Variants in MBP observed in about 807,000 individuals in gnomAD.
MBP encodes Golli-MBP.
A neutral mutation model predicts 35.8 loss-of-function variants in MBP; 16 were observed. The observed-to-expected ratio is 0.45, with a 90% CI of 0.30 to 0.68. The LOEUF (loss-of-function observed/expected upper bound fraction) is 0.68, where lower values mean the gene tolerates loss of function less well. MBP is among the 30% of genes least tolerant of loss of function. The pLI, the probability that MBP is intolerant of heterozygous loss-of-function variation, is 0.08. For synonymous variants in MBP, 143 were observed against 159.6 expected (o/e 0.90, Z 0.78); for missense variants, 380 against 404.7 (o/e 0.94, Z 0.52).
At chr18:77,071,744 T>A (rs577424158) in intron 2 of MBP, among the ~76,000 whole-genome samples, 1 of 151,830 alleles carries the variant, frequency 6.6e-6, no homozygotes, top group East Asian at 1.9e-4. Flanking sequence ...ACAAAGAAAA[T>A]AAGGTAGGAA....
intron 4 of MBP, among the ~76,000 whole-genome samples, chr18:77,002,671 G>A (rs892266914): frequency 1.3e-5 from 2 of 152,236 alleles, no homozygotes; most frequent in African/African-American, 2.4e-5. Flanking sequence ...GGTTCAGGGA[G>A]CTGCTCGCAG....
In MBP at chr18:77,131,625, C is replaced by A. The variant is rs1223092080; in HGVS notation, c.-26+955G>T. 6.6e-6 allele frequency: 1 copy of A among 152,164 alleles called. No individual in the cohort carries two copies. The highest frequency in any genetic ancestry group is 2.4e-5 in the African/African-American group (1 of 41,390). The allele number at this position is 152,164 out of a possible 1,614,324, so 9.4% of individuals were successfully genotyped here. ...ACGGGGGTCCCCAAAGACGCTTGAA[C>A]CTTTTCCCAAGCCCCACTCCACCTT... On this transcript the variant is annotated intron_variant, in intron 1 of 8. Coordinates refer to ENST00000355994, the MANE Select transcript of MBP (RefSeq NM_001025101.2). This position sits in a 1 kb window ranked among gnomAD's most constrained non-coding sequence, Gnocchi z 5.5.
chr18:77,064,992 C>T (rs7232640), intron 3 of MBP, among the ~76,000 whole-genome samples: 38,537 of 151,980 alleles, frequency 0.25, 4,931 homozygotes, highest in African/African-American at 0.26. Context: ...CCTGCATAGC[C>T]CTGTGGTCTT....
At chr18:77,048,458 G>A (rs1973344977) in intron 3 of MBP, among the ~76,000 whole-genome samples, 5 of 152,180 alleles carry the variant, frequency 3.3e-5, no homozygotes, top group Admixed American at 3.3e-4. Context: ...AATCTCTGCA[G>A]GTAGGATCTT....
At chr18:76,984,401 T>TC (rs1433648488) in intron 8 of MBP, 4 of 241,490 alleles carry the variant, frequency 1.7e-5, no homozygotes, top group Middle Eastern at 3.2e-3. Context: ...TCCAGGGATC[T>TC]CCCCCCGACA....
intron 2 of MBP, among the ~76,000 whole-genome samples, chr18:77,088,387 C>G (rs1975354750): frequency 6.6e-6 from 1 of 152,170 alleles, no homozygotes; most frequent in South Asian, 2.1e-4. Context: ...CAAAGACCCA[C>G]CTCTTAACAT....
At chr18:77,014,874 C>T (rs561618728) in intron 4 of MBP, 361 of 985,006 alleles carry the variant, frequency 3.7e-4, no homozygotes, top group Non-Finnish European at 4.0e-4. Flanking sequence ...TTCAACACTC[C>T]ATAGTGAAAA....
At chr18:76,982,529 T>C (rs1361320481) in intron 8 of MBP, 1 of 152,258 alleles carries the variant, frequency 6.6e-6, no homozygotes, top group African/African-American at 2.4e-5. Context: ...TGTTCTGATG[T>C]AGTTTCCGAG....
At chr18:77,014,357 T>G in intron 4 of MBP, 7 of 985,122 alleles carry the variant, frequency 7.1e-6, no homozygotes, top group Non-Finnish European at 8.4e-6. Flanking sequence ...TATAGGGTCA[T>G]GGGGGGGCTC....
At chr18:76,991,844 G>T (rs1969944773) in intron 4 of MBP, among the ~76,000 whole-genome samples, 1 of 152,190 alleles carries the variant, frequency 6.6e-6, no homozygotes, top group African/African-American at 2.4e-5. Flanking sequence ...CACATTGATT[G>T]GGAGGACCCC....
intron 4 of MBP, among the ~76,000 whole-genome samples, chr18:77,009,617 C>G (rs142422564): frequency 6.6e-6 from 1 of 152,234 alleles, no homozygotes. Context: ...GGATTCCCTC[C>G]AAGGATTCAA....
chr18:77,094,636 G>T (rs1489479497), intron 2 of MBP, among the ~76,000 whole-genome samples: 1 of 152,188 alleles, frequency 6.6e-6, no homozygotes, highest in Non-Finnish European at 1.5e-5. Context: ...ATTTTTCAGA[G>T]AAGTTTACCT....
intron 2 of MBP, among the ~76,000 whole-genome samples, chr18:77,088,851 CAG>C (rs879576589): frequency 5.9e-5 from 9 of 152,314 alleles, no homozygotes; most frequent in Admixed American, 5.2e-4. Context: ...TATTTGGAAA[CAG>C]AGTCTTTGCA....
At chr18:77,106,404 C>A (rs1976278084) in intron 1 of MBP, among the ~76,000 whole-genome samples, 1 of 152,154 alleles carries the variant, frequency 6.6e-6, no homozygotes, top group South Asian at 2.1e-4. Context: ...ACCCCCATCA[C>A]CCCACAGCCA....
intron 3 of MBP, among the ~76,000 whole-genome samples, chr18:77,061,497 G>A (rs1973978266): frequency 6.6e-6 from 1 of 152,194 alleles, no homozygotes; most frequent in African/African-American, 2.4e-5. Context: ...GGGAAACCAA[G>A]ACACAAACAG....
chr18:77,119,252 C>T (rs1272576437), intron 1 of MBP, among the ~76,000 whole-genome samples: 3 of 152,110 alleles, frequency 2.0e-5, no homozygotes, highest in Non-Finnish European at 4.4e-5. Flanking sequence ...CTGTGGGGTG[C>T]TGAGAAGAGC....
intron 3 of MBP, among the ~76,000 whole-genome samples, chr18:77,029,466 G>GGGGGAA: frequency 7.8e-6 from 1 of 128,390 alleles, no homozygotes; most frequent in Non-Finnish European, 1.7e-5. Context: ...GGGAGGGGGA[G>GGGGGAA]AGGGACCCCA....
At chr18:77,059,302 T>C (rs1052752756) in intron 3 of MBP, among the ~76,000 whole-genome samples, 1 of 152,216 alleles carries the variant, frequency 6.6e-6, no homozygotes, top group African/African-American at 2.4e-5. Context: ...AAAATGTTGT[T>C]GGTTGAAAGA....
chr18:77,094,686 C>G (rs1322005285), intron 2 of MBP, among the ~76,000 whole-genome samples: 1 of 152,180 alleles, frequency 6.6e-6, no homozygotes, highest in Non-Finnish European at 1.5e-5. Flanking sequence ...TTGGGAAACA[C>G]CCCAATTTTT....
Sources: allele counts gnomAD v4.1 joint callset (sites outside exome capture counted in the v4.1 genomes callset), GRCh38; gene constraint gnomAD v4.1.1; non-coding constraint Gnocchi (gnomAD v3.1); transcripts MANE v1.5; gene names NCBI Gene and HGNC (gene_info 2026-07-23, HGNC 2026-07-21).